RABEP1: variants seen among roughly 807,000 people sequenced by gnomAD.
RABEP1 encodes the protein rabaptin, RAB GTPase binding effector protein 1.
RABEP1 carries 51 observed loss-of-function variants against 123.4 expected under a neutral mutation model. The observed-to-expected ratio is 0.41, with a 90% CI of 0.33 to 0.52. RABEP1 has a LOEUF of 0.52. Among genes scored for constraint, RABEP1 ranks in the 20% least tolerant of loss-of-function variants. The pLI, the probability that RABEP1 is intolerant of heterozygous loss-of-function variation, is 0.16. For synonymous variants in RABEP1, 347 were observed against 355.2 expected (o/e 0.98, Z 0.26); for missense variants, 888 against 996.3 (o/e 0.89, Z 1.46).
At chr17:5,313,426 G>T (rs2075264262) in intron 2 of RABEP1, among the ~76,000 whole-genome samples, 1 of 152,026 alleles carries the variant, frequency 6.6e-6, no homozygotes, top group Non-Finnish European at 1.5e-5. Context: ...TCTAAACCTT[G>T]TTTGTTTTGC....
chr17:5,374,364 G>C lies in RABEP1; in HGVS notation c.2025+910G>C, dbSNP rs555020165. ...GGTCACTTACATTCTTCTGTGGTTG[G>C]GTAAACCTGGGCTACAAAACTGGTT... On this transcript the variant is annotated intron_variant, in intron 13 of 17. Transcript: ENST00000537505. 5.7e-4 allele frequency among the ~76,000 whole-genome samples: 87 copies of C among 151,950 alleles called. 3 individuals carry two copies. In the South Asian group the frequency reaches 0.017, roughly 30 times the overall value.
At chr17:5,287,598 CAAAAAAAA>C (rs55858409) in intron 1 of RABEP1, among the ~76,000 whole-genome samples, 20 of 61,198 alleles carry the variant, frequency 3.3e-4, no homozygotes, top group Admixed American at 4.5e-4. Flanking sequence ...GACTCTGTCG[CAAAAAAAA>C]AAAAAAAAAA....
At chr17:5,294,633 C>CTTTTTT (rs1185209680) in intron 1 of RABEP1, among the ~76,000 whole-genome samples, 2,121 of 52,976 alleles carry the variant, frequency 0.04, 627 homozygotes, top group Non-Finnish European at 0.06. Context: ...ACGGTATTGT[C>CTTTTTT]TTTTTTTTTT....
rs531912304 is a variant in RABEP1 at position 5,352,429 on chromosome 17, G to C, written c.963+1800G>C. On this transcript the variant is annotated intron_variant, in intron 7 of 17. Coordinates refer to ENST00000537505, the MANE Select transcript of RABEP1 (RefSeq NM_004703.6). Reference sequence around the variant, plus strand: ...GCTGGTCTCAAACTCCTGACCTCAAGTTATCTGCCCGTCTCGGCCTCCCAA... The same window carrying C: ...GCTGGTCTCAAACTCCTGACCTCAACTTATCTGCCCGTCTCGGCCTCCCAA... Among the ~76,000 whole-genome samples the C allele has an allele frequency of 4.0e-5, 6 of 151,774 alleles. No homozygotes were observed. The South Asian group carries it at 1.3e-3, about 32-fold the overall frequency.
At chr17:5,365,316 TG>T (rs1471970558) in intron 11 of RABEP1, 78 bp downstream of exon 11, 20 of 1,006,558 alleles carry the variant, frequency 2.0e-5, no homozygotes, top group Middle Eastern at 2.3e-4. Context: ...AATATAGTCA[TG>T]TTTTTTTTTG....
At chr17:5,378,647 C>T (rs899542963) in intron 15 of RABEP1, 5 of 229,864 alleles carry the variant, frequency 2.2e-5, no homozygotes, top group African/African-American at 1.2e-4. Context: ...TTCCTGACCT[C>T]ACTGTTCCTT....
At chr17:5,284,239 G>C (rs1159457189) in intron 1 of RABEP1, among the ~76,000 whole-genome samples, 1 of 152,194 alleles carries the variant, frequency 6.6e-6, no homozygotes, top group Non-Finnish European at 1.5e-5. Context: ...AACGAGGCTA[G>C]GGAAAACTAG....
chr17:5,361,663 C>T lies in RABEP1; in HGVS notation c.1551C>T (p.Leu517=). 6.2e-7 allele frequency: 1 copy of T among 1,603,370 alleles called. No homozygotes were observed. Among genetic ancestry groups the T allele is most frequent in the Non-Finnish European group, 8.5e-7 (1 of 1,175,286 alleles). The stretch of plus-strand genomic sequence containing the variant: ...TAGTTAGTGAAACAGAATGGAATCT[C>T]TTGCAGAAAGAGGTGAGTTACCTTT... ...YRLVSETEWN[L]LQKEVHNAGN... is the part of the protein sequence containing the mutation. The change falls in exon 9 of 18, where the codon CTC becomes CTT. Residue 517 remains leucine (L), a synonymous_variant. Transcript: ENST00000537505.
At chr17:5,292,450 C>A (rs546632728) in intron 1 of RABEP1, among the ~76,000 whole-genome samples, 1 of 151,862 alleles carries the variant, frequency 6.6e-6, no homozygotes. Flanking sequence ...TGCAGTGGCG[C>A]GATCTTGGCT....
chr17:5,326,898 C>T (rs181520616), intron 2 of RABEP1, among the ~76,000 whole-genome samples: 11 of 152,298 alleles, frequency 7.2e-5, no homozygotes, highest in South Asian at 4.1e-4. Context: ...CTTGTGCGAA[C>T]GCGGAATGTA....
rs186793804 is a variant in RABEP1, at chr17:5,337,110, G to A, written c.529-909G>A. Among the ~76,000 whole-genome samples, 49 of 152,326 alleles carry A rather than the reference G, an allele frequency of 3.2e-4. No individual in the cohort carries two copies. In the East Asian group the frequency reaches 8.9e-3, roughly 28 times the overall value. Reference sequence around the variant, plus strand: ...TTTTCTCACCAGTTTACTAGTTTATGTAAGTTGGTTCCTTTTAATCCATGT... The same window carrying A: ...TTTTCTCACCAGTTTACTAGTTTATATAAGTTGGTTCCTTTTAATCCATGT... On this transcript the variant is annotated intron_variant, in intron 4 of 17. Transcript: ENST00000537505.
intron 5 of RABEP1, among the ~76,000 whole-genome samples, chr17:5,340,535 G>T (rs1907501861): frequency 6.6e-6 from 1 of 151,434 alleles, no homozygotes; most frequent in South Asian, 2.1e-4. Context: ...GGTTATTCAG[G>T]TATTTACGCT....
In RABEP1 at chr17:5,316,888, T is replaced by C. The variant is rs1306284936; in HGVS notation, c.163+8066T>C. 4.0e-5 allele frequency among the ~76,000 whole-genome samples: 6 copies of C among 149,766 alleles called. No individual in the cohort carries two copies. In the East Asian group the frequency reaches 1.2e-3, roughly 29 times the overall value. On this transcript the variant is annotated intron_variant, in intron 2 of 17. Transcript: ENST00000537505. ...AAACAATACAAAATACAGAAATTGA[T>C]AAATTTAAAAATTTTTTTTTAATGT...
chr17:5,296,712 C>G (rs539534035), intron 1 of RABEP1, among the ~76,000 whole-genome samples: 4 of 152,274 alleles, frequency 2.6e-5, no homozygotes, highest in East Asian at 3.9e-4. Flanking sequence ...ACTTGTATAG[C>G]TATTGCATAA....
intron 5 of RABEP1, among the ~76,000 whole-genome samples, chr17:5,343,670 CTTTTTTTTT>C (rs753410845): frequency 2.0e-5 from 2 of 99,944 alleles, no homozygotes; most frequent in African/African-American, 3.9e-5. Flanking sequence ...TTTCTTTTCT[CTTTTTTTTT>C]TTTTTTTTTT....
At chr17:5,319,804 G>C (rs1035430706) in intron 2 of RABEP1, among the ~76,000 whole-genome samples, 1 of 152,134 alleles carries the variant, frequency 6.6e-6, no homozygotes, top group African/African-American at 2.4e-5. Flanking sequence ...AAGAAGCAGT[G>C]ACCTTGAAGA....
chr17:5,284,578 T>C (rs4790767), intron 1 of RABEP1, among the ~76,000 whole-genome samples: 92,356 of 151,674 alleles, frequency 0.61, 29,815 homozygotes, highest in East Asian at 0.97. Context: ...GCAATCCTGC[T>C]ACCTCAGCCT....
Position 5,282,295 on chromosome 17 carries a change from G to T in RABEP1, c.-192G>T. 1 of 409,626 alleles carries T rather than the reference G, an allele frequency of 2.4e-6. No homozygotes were observed. The highest frequency in any genetic ancestry group is 4.3e-6 in the Non-Finnish European group (1 of 234,814). 25.4% of individuals were successfully genotyped at this position (409,626 alleles called of 1,614,324 possible). On this transcript the variant is annotated 5_prime_UTR_variant, in exon 1 of 18. Coordinates refer to ENST00000537505, the MANE Select transcript of RABEP1 (RefSeq NM_004703.6). The stretch of plus-strand genomic sequence containing the variant: ...GCTTATTTCCCGCTGTCAGGATGAG[G>T]AGGCGGAGGTCGGCGGTCGGGTCCG...
chr17:5,331,697 C>T (rs1399832101), intron 2 of RABEP1, among the ~76,000 whole-genome samples: 3 of 152,118 alleles, frequency 2.0e-5, no homozygotes, highest in Non-Finnish European at 2.9e-5. Flanking sequence ...GATTAAATAA[C>T]ATGACCAAGT....
Sources: gnomAD v4.1 joint callset for allele counts (sites outside exome capture counted in the v4.1 genomes callset) on GRCh38, gnomAD v4.1.1 for gene constraint, MANE v1.5 for transcripts, NCBI Gene and HGNC (gene_info 2026-07-23, HGNC 2026-07-21) for gene names.